Variants in PTPRD observed in about 807,000 individuals in gnomAD.
PTPRD encodes the protein receptor-type tyrosine-protein phosphatase delta.
PTPRD carries 34 observed loss-of-function variants against 214.5 expected under a neutral mutation model. The observed-to-expected ratio is 0.16, with a 90% CI of 0.12 to 0.21. PTPRD has a LOEUF of 0.21. PTPRD is among the 10% of genes least tolerant of loss of function. The pLI, the probability that PTPRD is intolerant of heterozygous loss-of-function variation, is 1.00. For missense variants in PTPRD, 2,545 were observed against 2,398.7 expected (o/e 1.06, Z -1.27); for synonymous variants, 1,128 against 845.7 (o/e 1.33, Z -5.79).
intron 9 of PTPRD, among the ~76,000 whole-genome samples, chr9:9,272,918 T>C (rs1334528506): frequency 1.3e-5 from 2 of 151,274 alleles, no homozygotes; most frequent in Non-Finnish European, 3.0e-5. Context: ...ACATACAAGC[T>C]TGAGGTAATT....
chr9:8,608,876 T>C (rs1009751526), intron 14 of PTPRD, among the ~76,000 whole-genome samples: 9 of 152,156 alleles, frequency 5.9e-5, no homozygotes, highest in Non-Finnish European at 2.9e-5. Context: ...AAAGGATAAG[T>C]GGCCCAAAGA....
intron 11 of PTPRD, among the ~76,000 whole-genome samples, chr9:8,800,926 A>C (rs1250392807): frequency 6.6e-6 from 1 of 152,216 alleles, no homozygotes. Context: ...TTATAAATGT[A>C]GGAGCTGGGA....
chr9:10,081,871 T>A (rs2098244117), intron 3 of PTPRD, among the ~76,000 whole-genome samples: 1 of 152,076 alleles, frequency 6.6e-6, no homozygotes, highest in African/African-American at 2.4e-5. Flanking sequence ...TTGATTACGG[T>A]ATGATGCAGT....
At chr9:9,971,721 G>C (rs530287032) in intron 4 of PTPRD, among the ~76,000 whole-genome samples, 1 of 152,112 alleles carries the variant, frequency 6.6e-6, no homozygotes, top group Non-Finnish European at 1.5e-5. Flanking sequence ...CTGCTGTCAT[G>C]ATTTATTTAG....
chr9:9,282,751 T>A (rs1276788389), intron 9 of PTPRD, among the ~76,000 whole-genome samples: 1 of 151,390 alleles, frequency 6.6e-6, no homozygotes, highest in African/African-American at 2.4e-5. Flanking sequence ...GGAGGCTAAA[T>A]GTTAAAGGTG....
At position 8,420,833 on chromosome 9, in the gene PTPRD, T is replaced by G. The variant is rs1199903372; in HGVS notation, c.4086+15759A>C. On this transcript the variant is annotated intron_variant, in intron 35 of 45. Coordinates refer to ENST00000381196, the MANE Select transcript of PTPRD (RefSeq NM_002839.4). ...TTTTTTTTTTTAAAAAAAGAAAATA[T>G]AAAGACACTGAGAGCGTAGGAAAAG... 4.1e-5 allele frequency among the ~76,000 whole-genome samples: 5 copies of G among 122,488 alleles called. No individual in the cohort carries two copies. In the East Asian group the frequency reaches 1.3e-3, roughly 33 times the overall value. The allele number at this position is 122,488 out of a possible 152,430, so 80.4% of individuals were successfully genotyped here.
intron 39 of PTPRD, among the ~76,000 whole-genome samples, chr9:8,343,982 A>G (rs1479098953): frequency 6.6e-6 from 1 of 152,074 alleles, no homozygotes; most frequent in Admixed American, 6.6e-5. Flanking sequence ...TTGATCAGGA[A>G]TAAAGAGACA....
intron 9 of PTPRD, among the ~76,000 whole-genome samples, chr9:9,183,646 T>C (rs1003692932): frequency 6.6e-6 from 1 of 152,028 alleles, no homozygotes; most frequent in African/African-American, 2.4e-5. Flanking sequence ...ATGTCCACCA[T>C]AAAATGGCTA....
At chr9:10,065,776 C>CGG (rs1205491992) in intron 3 of PTPRD, among the ~76,000 whole-genome samples, 2 of 151,686 alleles carry the variant, frequency 1.3e-5, no homozygotes, top group African/African-American at 4.8e-5. Flanking sequence ...CCCAAAGAAA[C>CGG]GGGGAAGAAA....
intron 2 of PTPRD, among the ~76,000 whole-genome samples, chr9:10,440,347 G>C (rs2098750715): frequency 6.6e-6 from 1 of 151,654 alleles, no homozygotes; most frequent in Non-Finnish European, 1.5e-5. Context: ...TTTAAAAAGA[G>C]CTTCTTCAAA....
intron 8 of PTPRD, among the ~76,000 whole-genome samples, chr9:9,525,076 C>T (rs1367294772): frequency 2.6e-5 from 4 of 152,148 alleles, no homozygotes; most frequent in Non-Finnish European, 5.9e-5. Flanking sequence ...CCAGGATGGT[C>T]TCGATCTCTT....
At chr9:8,381,248 C>A (rs2084988983) in intron 37 of PTPRD, among the ~76,000 whole-genome samples, 1 of 152,046 alleles carries the variant, frequency 6.6e-6, no homozygotes, top group Non-Finnish European at 1.5e-5. Context: ...ATGTTGGTAC[C>A]CTTTTGTCAA....
At chr9:8,830,469 G>T (rs911542111) in intron 11 of PTPRD, among the ~76,000 whole-genome samples, 1 of 152,114 alleles carries the variant, frequency 6.6e-6, no homozygotes, top group South Asian at 2.1e-4. Context: ...GGGTAAACAA[G>T]AAAGGAAAGT....
intron 3 of PTPRD, among the ~76,000 whole-genome samples, chr9:10,101,383 G>A (rs751062614): frequency 2.6e-5 from 4 of 151,680 alleles, no homozygotes; most frequent in Non-Finnish European, 4.4e-5. Flanking sequence ...TCCTTTCACT[G>A]CTAATATAGT....
At chr9:9,579,611 T>C (rs138749776) in intron 7 of PTPRD, among the ~76,000 whole-genome samples, 3,193 of 152,092 alleles carry the variant, frequency 0.021, 55 homozygotes, top group Middle Eastern at 0.034. Context: ...TAACAGGCCC[T>C]AGTAAGTGTT....
intron 3 of PTPRD, among the ~76,000 whole-genome samples, chr9:10,229,743 C>T (rs1006671796): frequency 2.0e-5 from 3 of 151,706 alleles, no homozygotes; most frequent in African/African-American, 7.3e-5. Context: ...AGGAGATATA[C>T]CTAATGCTAA....
chr9:9,633,319 A>C (rs935363103), intron 7 of PTPRD, among the ~76,000 whole-genome samples: 19 of 152,150 alleles, frequency 1.2e-4, no homozygotes, highest in African/African-American at 4.6e-4. Flanking sequence ...AAAAAAAAGA[A>C]AGAAAAGTTA....
intron 9 of PTPRD, among the ~76,000 whole-genome samples, chr9:9,327,230 C>G (rs984250555): frequency 5.3e-5 from 8 of 152,092 alleles, no homozygotes; most frequent in Non-Finnish European, 1.0e-4. Context: ...ATGTAAACAA[C>G]AAGAATGTAA....
intron 4 of PTPRD, among the ~76,000 whole-genome samples, chr9:9,987,078 G>A (rs1410626927): frequency 6.6e-6 from 1 of 152,164 alleles, no homozygotes; most frequent in African/African-American, 2.4e-5. Context: ...GCTTGACTGG[G>A]GAGGAAGTTA....
Sources: allele counts gnomAD v4.1 joint callset (sites outside exome capture counted in the v4.1 genomes callset), GRCh38; gene constraint gnomAD v4.1.1; transcripts MANE v1.5; gene names NCBI Gene and HGNC (gene_info 2026-07-23, HGNC 2026-07-21).